Variants in CYB561A3 observed in about 807,000 individuals in gnomAD.
The protein encoded by CYB561A3 is cytochrome b561 family member A3, also known as lysosomal membrane ascorbate-dependent ferrireductase CYB561A3.
A neutral mutation model predicts 25.3 loss-of-function variants in CYB561A3; 16 were observed. The observed-to-expected ratio is 0.63, with a 90% CI of 0.43 to 0.96. The LOEUF (loss-of-function observed/expected upper bound fraction) is 0.96, where lower values mean the gene tolerates loss of function less well. Ranked by LOEUF, CYB561A3 falls within the 40% of genes least tolerant of loss-of-function variation. CYB561A3 has a pLI of 0.00. For missense variants in CYB561A3, 219 were observed against 307.5 expected (o/e 0.71, Z 2.15); for synonymous variants, 131 against 129.9 (o/e 1.01, Z -0.06).
chr11:61,354,378 G>A (rs1414913218), intron 3 of CYB561A3: 5 of 214,884 alleles, frequency 2.3e-5, no homozygotes, highest in Non-Finnish European at 4.7e-5. Flanking sequence ...AATTAAAAAG[G>A]GAGGAGGGCT....
At chr11:61,351,211 G>C (rs889314404) in intron 5 of CYB561A3, 64 bp from the exon 6 acceptor site, 1 of 1,515,134 alleles carries the variant, frequency 6.6e-7, no homozygotes, top group Non-Finnish European at 8.9e-7. Flanking sequence ...TCTAGTGGGA[G>C]ACTCGATGTC....
In CYB561A3 at chr11:61,350,291, G is replaced by T; in HGVS notation, c.*108C>A. 1 of 1,429,434 alleles carries T rather than the reference G, an allele frequency of 7.0e-7. No individual in the cohort carries two copies. 88.5% of individuals were successfully genotyped at this position (1,429,434 alleles called of 1,614,324 possible). On this transcript the variant is annotated 3_prime_UTR_variant, in exon 7 of 7. Coordinates refer to ENST00000294072, the MANE Select transcript of CYB561A3 (RefSeq NM_153611.6). Reference sequence around the variant, plus strand: ...GGCAAGAAGTCTGGGCCCAGCATTGGAAGAAAGTCGCCTGCTGAAACCAGC... The same window carrying T: ...GGCAAGAAGTCTGGGCCCAGCATTGTAAGAAAGTCGCCTGCTGAAACCAGC...
chr11:61,352,700 C>G, intron 5 of CYB561A3: 1 of 806,978 alleles, frequency 1.2e-6, no homozygotes, highest in African/African-American at 1.8e-5. Flanking sequence ...ACAACAATAC[C>G]AATCAATACC....
chr11:61,348,979 A>G lies in CYB561A3; in HGVS notation c.*1420T>C, dbSNP rs1342916652. 1.3e-5 allele frequency: 2 copies of G among 155,982 alleles called. No individual in the cohort carries two copies. Among genetic ancestry groups the G allele is most frequent in the African/African-American group, 2.4e-5 (1 of 41,634 alleles). The allele number at this position is 155,982 out of a possible 1,614,324, so 9.7% of individuals were successfully genotyped here. On this transcript the variant is annotated 3_prime_UTR_variant, in exon 7 of 7. Coordinates refer to ENST00000294072, the MANE Select transcript of CYB561A3 (RefSeq NM_153611.6). ...TTAGCCCTTCTGCCAACATCTGGCA[A>G]TGTGAGGCTGGGGTGGACGTTGGCC...
intron 3 of CYB561A3, 43 bp from the exon 4 acceptor site, chr11:61,354,035 G>C (rs544743543): frequency 6.2e-6 from 10 of 1,605,546 alleles, no homozygotes; most frequent in Non-Finnish European, 7.7e-6. Context: ...CTCCCCTCGA[G>C]CTCACCCAGA....
chr11:61,353,554 G>A (rs755926943), intron 4 of CYB561A3: 1 of 703,498 alleles, frequency 1.4e-6, no homozygotes, highest in South Asian at 1.5e-5. Context: ...AAAGTTAGCA[G>A]AGAGGGCTCT....
intron 3 of CYB561A3, among the ~76,000 whole-genome samples, chr11:61,355,629 C>T (rs1218576959): frequency 1.3e-5 from 2 of 149,812 alleles, no homozygotes; most frequent in Non-Finnish European, 3.0e-5. Context: ...TGCAGTGAGC[C>T]AAGATCACGC....
chr11:61,355,243 G>T (rs1004200802), intron 3 of CYB561A3, among the ~76,000 whole-genome samples: 23 of 152,122 alleles, frequency 1.5e-4, no homozygotes, highest in African/African-American at 5.1e-4. Flanking sequence ...AAACTTGTAA[G>T]AACAAAATGG....
At chr11:61,359,409 G>C (rs1479437700) in intron 1 of CYB561A3, 2 of 152,008 alleles carry the variant, frequency 1.3e-5, no homozygotes, top group Non-Finnish European at 2.9e-5. Context: ...GGACGTTTCA[G>C]ATCACCAGAT....
chr11:61,351,058 A>G lies in CYB561A3; in HGVS notation c.638T>C (p.Leu213Pro). The G allele has an allele frequency of 6.2e-7, 1 of 1,614,060 alleles. No individual in the cohort carries two copies. The highest frequency in any genetic ancestry group is 8.5e-7 in the Non-Finnish European group (1 of 1,180,000). The part of the protein sequence containing the change: ...TGMLVVAFGL[L>P]VLYILLASSW... ...TGAAGCCAGAAGGATGTAGAGCACC[A>G]GCAGCCCAAAGGCCACCACCAGCAT... Residue 213 changes from leucine (L) to proline (P), a missense_variant, in exon 6 of 7, where the codon CTG becomes CCG. Leu to Pro is a moderately conservative substitution (Grantham distance 98). Transcript: ENST00000294072.
At chr11:61,354,914 G>A (rs1005311631) in intron 3 of CYB561A3, among the ~76,000 whole-genome samples, 3 of 148,468 alleles carry the variant, frequency 2.0e-5, no homozygotes, top group Non-Finnish European at 4.4e-5. Flanking sequence ...TATCATCCAG[G>A]CTGGAGTGCA....
At chr11:61,352,058 C>G (rs528991187) in intron 5 of CYB561A3, 1 of 152,332 alleles carries the variant, frequency 6.6e-6, no homozygotes, top group Admixed American at 6.5e-5. Context: ...CATGAGGAAA[C>G]TGAAGCTCAA....
At chr11:61,350,670 G>A in intron 6 of CYB561A3, 1 of 602,040 alleles carries the variant, frequency 1.7e-6, no homozygotes, top group Non-Finnish European at 2.9e-6. Context: ...GGCTGGTAAA[G>A]GAGAAATCAC....
rs1857382436 is a variant in CYB561A3, at chr11:61,351,066, A to T, written c.630T>A (p.Phe210Leu). 2 of 1,614,018 alleles carry T rather than the reference A, an allele frequency of 1.2e-6. No individual in the cohort carries two copies. The highest frequency in any genetic ancestry group is 1.7e-6 in the Non-Finnish European group (2 of 1,179,996). ...GAAGGATGTAGAGCACCAGCAGCCC[A>T]AAGGCCACCACCAGCATCCCGGTGC... ...ANSTGMLVVA[F>L]GLLVLYILLA... The change falls in exon 6 of 7, where the codon TTT becomes TTA. Residue 210 changes from phenylalanine (F) to leucine (L), a missense_variant. Transcript: ENST00000294072.
At chr11:61,356,836 T>G in intron 2 of CYB561A3, 108 bp from the exon 3 acceptor site, 1 of 1,490,950 alleles carries the variant, frequency 6.7e-7, no homozygotes, top group Non-Finnish European at 8.9e-7. Flanking sequence ...GGAATCTTTT[T>G]GCTTCAGTTC....
rs912790797 is a variant in CYB561A3 at position 61,361,836 on chromosome 11, A to G, written c.-215T>C. The G allele has an allele frequency of 2.0e-5, 3 of 152,266 alleles. No homozygotes were observed. Among genetic ancestry groups the G allele is most frequent in the African/African-American group, 7.2e-5 (3 of 41,456 alleles). The allele number at this position is 152,266 out of a possible 1,614,324, so 9.4% of individuals were successfully genotyped here. On this transcript the variant is annotated 5_prime_UTR_variant, in exon 1 of 7. Coordinates refer to ENST00000294072, the MANE Select transcript of CYB561A3 (RefSeq NM_153611.6). Reference sequence around the variant, plus strand: ...CCGAGGTTCCTAGGAGATGCAGAAGACACTGCCCTGAATGCCTACAGCCGG... The same window carrying G: ...CCGAGGTTCCTAGGAGATGCAGAAGGCACTGCCCTGAATGCCTACAGCCGG...
upstream of CYB561A3, chr11:61,361,893 G>A (rs867031390): frequency 6.6e-6 from 1 of 152,284 alleles, no homozygotes; most frequent in Non-Finnish European, 1.5e-5. Context: ...AGAGCGGCGG[G>A]TGCCGCCTCG....
At chr11:61,361,515 T>C (rs1857882689) in intron 1 of CYB561A3, among the ~76,000 whole-genome samples, 1 of 151,946 alleles carries the variant, frequency 6.6e-6, no homozygotes, top group African/African-American at 2.4e-5. Flanking sequence ...TGGGTGAAAA[T>C]TGGGGTGAGG....
intron 4 of CYB561A3, 195 bp from the exon 5 acceptor site, chr11:61,353,334 C>T: frequency 1.4e-6 from 1 of 706,508 alleles, no homozygotes; most frequent in Non-Finnish European, 2.3e-6. Flanking sequence ...CAGTAAATGA[C>T]ATGCTTAGCT....
Sources: gnomAD v4.1 joint callset for allele counts (sites outside exome capture counted in the v4.1 genomes callset) on GRCh38, gnomAD v4.1.1 for gene constraint, MANE v1.5 for transcripts, NCBI Gene and HGNC (gene_info 2026-07-23, HGNC 2026-07-21) for gene names.